Variants in MIPOL1 observed in about 807,000 individuals in gnomAD.
The protein encoded by MIPOL1 is mirror-image polydactyly 1.
MIPOL1 carries 57 observed loss-of-function variants against 60.9 expected under a neutral mutation model. The ratio of observed to expected loss-of-function variants is 0.94; its 90% CI spans 0.76 to 1.17. MIPOL1 has a LOEUF of 1.17. Among genes scored for constraint, MIPOL1 ranks in the 50% most tolerant of loss-of-function variants. MIPOL1 has a pLI of 0.00. For synonymous variants in MIPOL1, 179 were observed against 168.8 expected, an observed-to-expected ratio of 1.06 and a Z score of -0.47; for missense variants, 551 against 511.6, an observed-to-expected ratio of 1.08 and a Z score of -0.74.
chr14:37,352,949 A>G (rs942563887), intron 9 of MIPOL1, among the ~76,000 whole-genome samples: 1 of 143,672 alleles, frequency 7.0e-6, no homozygotes, highest in Non-Finnish European at 1.5e-5. Flanking sequence ...TATGTTGAAT[A>G]GGAGTAGTGA....
At chr14:37,534,078 C>CAA (rs564604002) in intron 12 of MIPOL1, among the ~76,000 whole-genome samples, 2,255 of 69,320 alleles carry the variant, frequency 0.033, 82 homozygotes, top group African/African-American at 0.08. Flanking sequence ...GACTCCATCT[C>CAA]AAAAAAAAAA....
intron 9 of MIPOL1, among the ~76,000 whole-genome samples, chr14:37,355,232 G>A (rs1269072212): frequency 3.5e-5 from 5 of 141,134 alleles, no homozygotes; most frequent in African/African-American, 5.2e-5. Context: ...TTGAATATTG[G>A]CCCCCACTCT....
chr14:37,203,367 C>T (rs1196272694), intron 1 of MIPOL1, among the ~76,000 whole-genome samples: 1 of 152,072 alleles, frequency 6.6e-6, no homozygotes, highest in Non-Finnish European at 1.5e-5. Flanking sequence ...AAAAGACTGC[C>T]AAGAGACCGT....
chr14:37,354,729 C>T (rs1423195743), intron 9 of MIPOL1, among the ~76,000 whole-genome samples: 1 of 57,066 alleles, frequency 1.8e-5, no homozygotes, highest in Non-Finnish European at 3.3e-5. Context: ...AGGATTGCAA[C>T]CCCTGCCTTT....
chr14:37,316,691 T>G (rs2153441732), intron 9 of MIPOL1, among the ~76,000 whole-genome samples: 1 of 151,936 alleles, frequency 6.6e-6, no homozygotes, highest in Admixed American at 6.6e-5. Flanking sequence ...AGTGATGTTT[T>G]CAGGGATAAA....
chr14:37,372,386 A>G (rs577941041), intron 10 of MIPOL1, among the ~76,000 whole-genome samples: 2 of 152,234 alleles, frequency 1.3e-5, no homozygotes, highest in Admixed American at 6.5e-5. Flanking sequence ...ATGACTTTTT[A>G]TGGTAGAGAC....
chr14:37,482,371 A>G (rs1460235292), intron 11 of MIPOL1, among the ~76,000 whole-genome samples: 4 of 152,172 alleles, frequency 2.6e-5, no homozygotes, highest in African/African-American at 9.7e-5. Context: ...CCACAATAAG[A>G]TATCTTACAC....
chr14:37,340,187 T>G (rs2090461763), intron 9 of MIPOL1, among the ~76,000 whole-genome samples: 1 of 152,118 alleles, frequency 6.6e-6, no homozygotes, highest in Non-Finnish European at 1.5e-5. Context: ...TTTACTGTAT[T>G]GCTGCTGTGA....
At chr14:37,409,725 G>A (rs2093650462) in intron 10 of MIPOL1, among the ~76,000 whole-genome samples, 2 of 152,176 alleles carry the variant, frequency 1.3e-5, no homozygotes, top group Admixed American at 6.5e-5. Context: ...GGCAGAGGTT[G>A]CAGTGAGCCG....
intron 10 of MIPOL1, among the ~76,000 whole-genome samples, chr14:37,404,896 CTT>C (rs1321096657): frequency 6.6e-6 from 1 of 152,140 alleles, no homozygotes. Flanking sequence ...TGCTGCAACT[CTT>C]TTAACATCCA....
chr14:37,502,503 C>G (rs773806729), intron 12 of MIPOL1: 1 of 152,466 alleles, frequency 6.6e-6, no homozygotes, highest in Non-Finnish European at 1.5e-5. Flanking sequence ...CTCCAGCAAA[C>G]TCCAACAGAC....
intron 9 of MIPOL1, among the ~76,000 whole-genome samples, chr14:37,319,935 G>A (rs1429528364): frequency 6.6e-6 from 1 of 152,070 alleles, no homozygotes; most frequent in Admixed American, 6.6e-5. Context: ...CTGTCACCCA[G>A]TGTTAACTAC....
At chr14:37,407,336 G>A (rs1450184529) in intron 10 of MIPOL1, among the ~76,000 whole-genome samples, 1 of 152,134 alleles carries the variant, frequency 6.6e-6, no homozygotes. Flanking sequence ...TAAACACTGA[G>A]TGTTTAAATA....
At chr14:37,216,388 T>A (rs1312788163) in intron 1 of MIPOL1, among the ~76,000 whole-genome samples, 1 of 151,792 alleles carries the variant, frequency 6.6e-6, no homozygotes, top group African/African-American at 2.4e-5. Flanking sequence ...AGACAGAAAA[T>A]CAACTTGGAA....
intron 10 of MIPOL1, 73 bp from the exon 11 acceptor site, chr14:37,422,782 G>T (rs2093897154): frequency 1.1e-6 from 1 of 945,054 alleles, no homozygotes; most frequent in Non-Finnish European, 1.6e-6. Context: ...TAAGACTACT[G>T]TTCTTACCGT....
In MIPOL1 at chr14:37,536,590, G is replaced by A. The variant is rs186716547; in HGVS notation, c.1263-10315G>A. ...ATGGGAAATGAGTGAAGTATCATTC[G>A]GGTACATTTCTGCTAAGCATTGAGT... is the stretch of plus-strand genomic sequence containing the variant. On this transcript the variant is annotated intron_variant, in intron 12 of 12. Coordinates refer to ENST00000684589, the MANE Select transcript of MIPOL1 (RefSeq NM_001388067.1). Among the ~76,000 whole-genome samples, 252 of 152,218 alleles carry A rather than the reference G, an allele frequency of 1.7e-3. 3 individuals carry two copies. Among genetic ancestry groups the A allele is most frequent in the South Asian group, 2.3e-3 (11 of 4,828 alleles).
chr14:37,482,911 T>G (rs904981222), intron 11 of MIPOL1, among the ~76,000 whole-genome samples: 4 of 152,166 alleles, frequency 2.6e-5, no homozygotes, highest in African/African-American at 9.7e-5. Context: ...CCCATGTGGA[T>G]AGCAAAACCC....
chr14:37,528,157 A>G (rs1013051805), intron 12 of MIPOL1, among the ~76,000 whole-genome samples: 2 of 152,046 alleles, frequency 1.3e-5, no homozygotes, highest in African/African-American at 4.8e-5. Context: ...TTTTAGAAAA[A>G]GTTTAAAATA....
At chr14:37,336,610 A>C (rs1468841479) in intron 9 of MIPOL1, among the ~76,000 whole-genome samples, 1 of 151,892 alleles carries the variant, frequency 6.6e-6, no homozygotes, top group Non-Finnish European at 1.5e-5. Context: ...AGCCCTTAGC[A>C]TATTAATCAC....
Sources: gnomAD v4.1 joint callset for allele counts (sites outside exome capture counted in the v4.1 genomes callset) on GRCh38, gnomAD v4.1.1 for gene constraint, MANE v1.5 for transcripts, NCBI Gene and HGNC (gene_info 2026-07-23, HGNC 2026-07-21) for gene names.